The following CSMD1 variants were observed in gnomAD, a reference collection of about 807,000 sequenced individuals.
CSMD1 encodes the protein CUB and sushi domain-containing protein 1.
In CSMD1, 213 loss-of-function variants were observed where a neutral mutation model predicts 417.5. The observed-to-expected ratio is 0.51, with a 90% CI of 0.46 to 0.57. CSMD1 has a LOEUF of 0.57. Ranked by LOEUF, CSMD1 falls within the 20% of genes least tolerant of loss-of-function variation. The probability of loss-of-function intolerance (pLI) is 0.00; values close to 1 mark genes in which losing one functional copy is unlikely to be tolerated. For missense variants in CSMD1, 6,923 were observed against 4,529.7 expected, an observed-to-expected ratio of 1.53 and a Z score of -15.17; for synonymous variants, 2,862 against 1,736.8, an observed-to-expected ratio of 1.65 and a Z score of -16.11.
chr8:4,151,916 C>G (rs573090992), intron 3 of CSMD1, among the ~76,000 whole-genome samples: 10 of 152,260 alleles, frequency 6.6e-5, no homozygotes, highest in African/African-American at 2.4e-4. Flanking sequence ...ATTTGTCTAT[C>G]AGCAGAGATA....
At chr8:4,962,068 T>C (rs536578592) in intron 1 of CSMD1, among the ~76,000 whole-genome samples, 11 of 151,730 alleles carry the variant, frequency 7.2e-5, no homozygotes, top group Non-Finnish European at 1.6e-4. Context: ...ATTATATCTA[T>C]TTTCTTTAAG....
At position 3,080,961 on chromosome 8, in the gene CSMD1, G is replaced by C. The variant is rs1433530815; in HGVS notation, c.7474+6136C>G. Among the ~76,000 whole-genome samples, 3 of 152,070 alleles carry C rather than the reference G, an allele frequency of 2.0e-5. No individual in the cohort carries two copies. The South Asian group carries it at 6.2e-4, about 32-fold the overall frequency. ...CAAAAAAAAGTGAATTAAAATAGAA[G>C]ACAACAAAAGCCAATTCTAAATAAT... On this transcript the variant is annotated intron_variant, in intron 49 of 69. Transcript: ENST00000635120.
At chr8:3,360,311 G>C (rs990058350) in intron 20 of CSMD1, among the ~76,000 whole-genome samples, 3 of 152,182 alleles carry the variant, frequency 2.0e-5, no homozygotes, top group African/African-American at 2.4e-5. Context: ...TGTCAGCACT[G>C]ATATCTCACT....
intron 10 of CSMD1, among the ~76,000 whole-genome samples, chr8:3,537,698 A>T (rs1798262226): frequency 6.6e-6 from 1 of 152,190 alleles, no homozygotes; most frequent in African/African-American, 2.4e-5. Context: ...TATTTGCAAA[A>T]ATCATATATC....
intron 1 of CSMD1, among the ~76,000 whole-genome samples, chr8:4,771,725 G>T (rs1198341352): frequency 6.6e-6 from 1 of 152,186 alleles, no homozygotes; most frequent in Non-Finnish European, 1.5e-5. Flanking sequence ...GCTAGCGGAG[G>T]GAGAAGTCTA....
At chr8:4,854,227 G>C (rs1048357599) in intron 1 of CSMD1, among the ~76,000 whole-genome samples, 1 of 152,146 alleles carries the variant, frequency 6.6e-6, no homozygotes, top group African/African-American at 2.4e-5. Flanking sequence ...GATATGATTT[G>C]GGTATTTGCT....
At chr8:3,384,313 C>T (rs1810833040) in intron 18 of CSMD1, among the ~76,000 whole-genome samples, 2 of 151,978 alleles carry the variant, frequency 1.3e-5, no homozygotes, top group South Asian at 2.1e-4. Flanking sequence ...CATTTTTAAA[C>T]ATTTTTAAAT....
intron 1 of CSMD1, among the ~76,000 whole-genome samples, chr8:4,960,277 AT>A (rs1319292081): frequency 6.6e-6 from 1 of 152,196 alleles, no homozygotes; most frequent in African/African-American, 2.4e-5. Context: ...TATACATAAC[AT>A]TTGTTTAATT....
chr8:3,904,506 C>T (rs1807977638), intron 5 of CSMD1, among the ~76,000 whole-genome samples: 1 of 152,138 alleles, frequency 6.6e-6, no homozygotes, highest in Non-Finnish European at 1.5e-5. Flanking sequence ...GCTTGGTATT[C>T]CACATTTCTA....
intron 3 of CSMD1, among the ~76,000 whole-genome samples, chr8:4,283,310 T>A (rs1330259478): frequency 6.6e-6 from 1 of 152,216 alleles, no homozygotes; most frequent in African/African-American, 2.4e-5. Context: ...GTTTATTGAT[T>A]TGTAGCTTCA....
chr8:3,439,481 C>G (rs973498581), intron 12 of CSMD1, among the ~76,000 whole-genome samples: 17 of 121,778 alleles, frequency 1.4e-4, no homozygotes, highest in African/African-American at 5.2e-4. Flanking sequence ...CTCTGTGACT[C>G]TGTGTGTGTA....
chr8:3,939,705 G>C lies in CSMD1; in HGVS notation c.818+58198C>G, dbSNP rs918327309. Among the ~76,000 whole-genome samples the C allele has an allele frequency of 2.0e-4, 31 of 152,212 alleles. No homozygotes were observed. In the East Asian group the frequency reaches 3.5e-3, roughly 17 times the overall value. On this transcript the variant is annotated intron_variant, in intron 5 of 69. Transcript: ENST00000635120. ...TCAGCCACATAAAAAGGAAAAAACA[G>C]TGCCTTTTGCAGCAACTTGGATGAA...
intron 12 of CSMD1, among the ~76,000 whole-genome samples, chr8:3,452,283 C>G (rs111278159): frequency 0.1 from 15,496 of 152,204 alleles, 1,400 homozygotes; most frequent in East Asian, 0.32. Context: ...TTGACTTCCT[C>G]TTTTCCTAAT....
At chr8:3,345,954 G>A (rs779367422) in intron 22 of CSMD1, among the ~76,000 whole-genome samples, 1 of 152,138 alleles carries the variant, frequency 6.6e-6, no homozygotes, top group Non-Finnish European at 1.5e-5. Context: ...TCCACATGAA[G>A]CAAGAAAACA....
At chr8:4,674,700 G>A (rs138180168) in intron 1 of CSMD1, among the ~76,000 whole-genome samples, 2 of 152,178 alleles carry the variant, frequency 1.3e-5, no homozygotes, top group Admixed American at 1.3e-4. Flanking sequence ...TATATGGAAT[G>A]TAGAAGAGAG....
chr8:4,017,258 G>C (rs920602937), intron 4 of CSMD1, among the ~76,000 whole-genome samples: 2 of 151,962 alleles, frequency 1.3e-5, no homozygotes, highest in Non-Finnish European at 1.5e-5. Context: ...TCAAGGCTAT[G>C]CAATTCATCT....
chr8:3,868,441 G>A (rs1344661675), intron 5 of CSMD1, among the ~76,000 whole-genome samples: 5 of 152,066 alleles, frequency 3.3e-5, no homozygotes, highest in African/African-American at 4.8e-5. Flanking sequence ...GCTGTAAGCC[G>A]ATCCCATGCC....
chr8:3,146,154 G>C (rs1818831070), intron 40 of CSMD1, among the ~76,000 whole-genome samples: 1 of 152,182 alleles, frequency 6.6e-6, no homozygotes, highest in Non-Finnish European at 1.5e-5. Flanking sequence ...GGAGAGCATT[G>C]TGTGCACTAT....
At chr8:4,629,044 T>A (rs1394677400) in intron 2 of CSMD1, among the ~76,000 whole-genome samples, 1 of 152,174 alleles carries the variant, frequency 6.6e-6, no homozygotes, top group Admixed American at 6.5e-5. Context: ...CTAATATAAT[T>A]TACTTAACTA....
Sources: allele counts gnomAD v4.1 joint callset (sites outside exome capture counted in the v4.1 genomes callset), GRCh38; gene constraint gnomAD v4.1.1; transcripts MANE v1.5; gene names NCBI Gene and HGNC (gene_info 2026-07-23, HGNC 2026-07-21).